The following PTPRD variants were observed in gnomAD, a reference collection of about 807,000 sequenced individuals.
The protein encoded by PTPRD is protein tyrosine phosphatase receptor type D, also known as receptor-type tyrosine-protein phosphatase delta.
A neutral mutation model predicts 214.5 loss-of-function variants in PTPRD; 34 were observed. The ratio of observed to expected loss-of-function variants is 0.16; its 90% CI spans 0.12 to 0.21. The LOEUF (loss-of-function observed/expected upper bound fraction) is 0.21, where lower values mean the gene tolerates loss of function less well. Ranked by LOEUF, PTPRD falls within the 10% of genes least tolerant of loss-of-function variation. PTPRD has a pLI of 1.00. For missense variants in PTPRD, 2,545 were observed against 2,398.7 expected (o/e 1.06, Z -1.27); for synonymous variants, 1,128 against 845.7 (o/e 1.33, Z -5.79).
At chr9:9,824,408 AT>A in intron 5 of PTPRD, among the ~76,000 whole-genome samples, 1 of 152,012 alleles carries the variant, frequency 6.6e-6, no homozygotes, top group East Asian at 1.9e-4. Flanking sequence ...GAACTAAATA[AT>A]TTTTGTCATA....
At chr9:8,836,699 C>T (rs1416636988) in intron 11 of PTPRD, among the ~76,000 whole-genome samples, 8 of 142,716 alleles carry the variant, frequency 5.6e-5, no homozygotes, top group Non-Finnish European at 9.0e-5. Flanking sequence ...CAGGTTCAAG[C>T]GATTCTCCTG....
intron 12 of PTPRD, among the ~76,000 whole-genome samples, chr9:8,689,005 G>A (rs1370683635): frequency 6.6e-6 from 1 of 151,866 alleles, no homozygotes; most frequent in Non-Finnish European, 1.5e-5. Flanking sequence ...CTAATACAGG[G>A]GCAAAAAAGA....
intron 10 of PTPRD, among the ~76,000 whole-genome samples, chr9:9,178,840 G>C (rs1294860101): frequency 6.6e-6 from 1 of 152,056 alleles, no homozygotes; most frequent in Non-Finnish European, 1.5e-5. Context: ...ATCCTGCTGA[G>C]CTTTCTTCTT....
At position 8,830,988 on chromosome 9, in the gene PTPRD, C is replaced by G. The variant is rs557841325; in HGVS notation, c.-103-97042G>C. ...AATAACAAATATGCTTTAGAATACT[C>G]AAGGACTAGTTTTTCTGAGGAATTT... On this transcript the variant is annotated intron_variant, in intron 11 of 45. Transcript: ENST00000381196. Among the ~76,000 whole-genome samples, 134 of 152,192 alleles carry G rather than the reference C, an allele frequency of 8.8e-4. 1 individual carries two copies. The highest frequency in any genetic ancestry group is 3.1e-3 in the African/African-American group (129 of 41,536).
intron 8 of PTPRD, among the ~76,000 whole-genome samples, chr9:9,569,259 A>G (rs1266777381): frequency 6.6e-6 from 1 of 151,464 alleles, no homozygotes; most frequent in Non-Finnish European, 1.5e-5. Flanking sequence ...ATGGCACAAT[A>G]ATTTCTACAG....
intron 2 of PTPRD, among the ~76,000 whole-genome samples, chr9:10,544,285 T>C (rs763929110): frequency 7.2e-5 from 11 of 152,124 alleles, no homozygotes; most frequent in African/African-American, 9.7e-5. Context: ...TTTCATAAGA[T>C]AGTCTAAAAT....
intron 5 of PTPRD, among the ~76,000 whole-genome samples, chr9:9,778,243 C>G (rs570025890): frequency 2.0e-5 from 3 of 152,100 alleles, no homozygotes; most frequent in Non-Finnish European, 2.9e-5. Flanking sequence ...TTCCCAGCCC[C>G]GAATGGCTCC....
intron 12 of PTPRD, among the ~76,000 whole-genome samples, chr9:8,659,730 T>C (rs1388958690): frequency 6.6e-6 from 1 of 152,230 alleles, no homozygotes; most frequent in Non-Finnish European, 1.5e-5. Flanking sequence ...TTCATCATTT[T>C]ACAGGGATCT....
intron 11 of PTPRD, among the ~76,000 whole-genome samples, chr9:8,942,409 A>T (rs1341201802): frequency 6.6e-6 from 1 of 152,170 alleles, no homozygotes; most frequent in Non-Finnish European, 1.5e-5. Context: ...TGACATGGCC[A>T]TTACAATTAG....
At chr9:9,633,311 A>C (rs2154360919) in intron 7 of PTPRD, among the ~76,000 whole-genome samples, 1 of 152,194 alleles carries the variant, frequency 6.6e-6, no homozygotes, top group African/African-American at 2.4e-5. Flanking sequence ...CAGGGAAAAA[A>C]AAAAAGAAAG....
At chr9:10,084,238 T>C (rs2098291498) in intron 3 of PTPRD, among the ~76,000 whole-genome samples, 1 of 152,014 alleles carries the variant, frequency 6.6e-6, no homozygotes, top group Non-Finnish European at 1.5e-5. Context: ...CATAGCTATC[T>C]TTTCTGAAGT....
chr9:8,940,474 A>ATTTTTTTTG (rs1467461986), intron 11 of PTPRD, among the ~76,000 whole-genome samples: 11 of 125,438 alleles, frequency 8.8e-5, no homozygotes, highest in East Asian at 2.6e-4. Flanking sequence ...GGTATTTTTA[A>ATTTTTTTTG]TAGAGACAGG....
chr9:10,178,052 C>T (rs1009945348), intron 3 of PTPRD, among the ~76,000 whole-genome samples: 2 of 151,876 alleles, frequency 1.3e-5, no homozygotes, highest in Admixed American at 6.6e-5. Context: ...ACTTGCACTG[C>T]TTTCCTTGTA....
intron 14 of PTPRD, among the ~76,000 whole-genome samples, chr9:8,537,067 C>G (rs981339415): frequency 6.6e-6 from 1 of 151,968 alleles, no homozygotes; most frequent in Non-Finnish European, 1.5e-5. Context: ...CTTTTATTTT[C>G]ACCATTCCAG....
intron 12 of PTPRD, among the ~76,000 whole-genome samples, chr9:8,724,413 G>A (rs1243335657): frequency 6.6e-6 from 1 of 152,120 alleles, no homozygotes; most frequent in Non-Finnish European, 1.5e-5. Context: ...CTGGTCCCTT[G>A]TACCACATCT....
intron 7 of PTPRD, among the ~76,000 whole-genome samples, chr9:9,660,554 C>G (rs938536660): frequency 6.6e-6 from 1 of 151,918 alleles, no homozygotes; most frequent in Non-Finnish European, 1.5e-5. Flanking sequence ...AAATATGTAA[C>G]TCTATCACAA....
chr9:10,069,440 T>G (rs1045143929), intron 3 of PTPRD, among the ~76,000 whole-genome samples: 2 of 152,026 alleles, frequency 1.3e-5, no homozygotes, highest in African/African-American at 4.8e-5. Context: ...AGCTGGATTT[T>G]CTCCTCTACA....
At chr9:8,916,453 G>C (rs1402409513) in intron 11 of PTPRD, among the ~76,000 whole-genome samples, 1 of 152,092 alleles carries the variant, frequency 6.6e-6, no homozygotes, top group African/African-American at 2.4e-5. Context: ...GGGTAAGTGG[G>C]GGCACTGAAA....
At chr9:9,845,101 T>C (rs1288004067) in intron 5 of PTPRD, among the ~76,000 whole-genome samples, 1 of 120,030 alleles carries the variant, frequency 8.3e-6, no homozygotes, top group Non-Finnish European at 1.7e-5. Flanking sequence ...GCTATATATA[T>C]ACTGCTATAT....
Sources: allele counts gnomAD v4.1 joint callset (sites outside exome capture counted in the v4.1 genomes callset), GRCh38; gene constraint gnomAD v4.1.1; transcripts MANE v1.5; gene names NCBI Gene and HGNC (gene_info 2026-07-23, HGNC 2026-07-21).